ATP2C2: variants seen among roughly 807,000 people sequenced by gnomAD.
The protein encoded by ATP2C2 is ATPase secretory pathway Ca2+ transporting 2, also known as calcium-transporting ATPase type 2C member 2.
A neutral mutation model predicts 110.8 loss-of-function variants in ATP2C2; 171 were observed. The ratio of observed to expected loss-of-function variants is 1.54; its 90% CI spans 1.36 to 1.75. The LOEUF is 1.75. ATP2C2 is among the 40% of genes most tolerant of loss of function. The pLI is 0.00. For missense variants in ATP2C2, 1,963 were observed against 1,235.0 expected, an observed-to-expected ratio of 1.59 and a Z score of -8.84; for synonymous variants, 804 against 508.4, an observed-to-expected ratio of 1.58 and a Z score of -7.82.
In ATP2C2 at chr16:84,460,634, C is replaced by A; in HGVS notation, c.2334-20C>A. The A allele has an allele frequency of 6.2e-7, 1 of 1,614,134 alleles. No homozygotes were observed. Among genetic ancestry groups the A allele is most frequent in the South Asian group, 1.1e-5 (1 of 91,074 alleles). On this transcript the variant is annotated intron_variant, in intron 23 of 26. Coordinates refer to ENST00000262429, the MANE Select transcript of ATP2C2 (RefSeq NM_014861.4). Reference sequence around the variant, plus strand: ...TCATTCCTGGTTCATTTCAAAGTGTCTGTGTCTTGTTCGGAGCAGCTTGGG... The same window carrying A: ...TCATTCCTGGTTCATTTCAAAGTGTATGTGTCTTGTTCGGAGCAGCTTGGG...
In ATP2C2 at chr16:84,446,393, A is replaced by T. The variant is rs1220873300; in HGVS notation, c.1466A>T (p.Gln489Leu). The T allele has an allele frequency of 1.9e-6, 3 of 1,608,132 alleles. No homozygotes were observed. Among genetic ancestry groups the T allele is most frequent in the Non-Finnish European group, 2.5e-6 (3 of 1,177,862 alleles). ...RKKEIPFSSE[Q>L]KWMAVKCSLK... ...AAAGAGATTCCATTCAGTTCAGAGCAGAAGTGGATGGCGGTGAAATGCAGT... is the reference window on the plus strand; with the variant it reads ...AAAGAGATTCCATTCAGTTCAGAGCTGAAGTGGATGGCGGTGAAATGCAGT... The change falls in exon 16 of 27, where the codon CAG becomes CTG. Residue 489 changes from glutamine (Q) to leucine (L), a missense_variant. Coordinates refer to ENST00000262429, the MANE Select transcript of ATP2C2 (RefSeq NM_014861.4).
At chr16:84,419,370 C>G (rs1002853036) in intron 7 of ATP2C2, among the ~76,000 whole-genome samples, 1 of 152,166 alleles carries the variant, frequency 6.6e-6, no homozygotes, top group African/African-American at 2.4e-5. Context: ...TCTGTTACAT[C>G]TCCCTGACAT....
chr16:84,417,984 C>A (rs1253771601), intron 7 of ATP2C2, among the ~76,000 whole-genome samples: 2 of 152,168 alleles, frequency 1.3e-5, no homozygotes, highest in Non-Finnish European at 2.9e-5. Flanking sequence ...AAGTAATAGA[C>A]CTTTTTGCAC....
intron 2 of ATP2C2, among the ~76,000 whole-genome samples, chr16:84,401,614 A>G: frequency 6.6e-6 from 1 of 152,190 alleles, no homozygotes; most frequent in African/African-American, 2.4e-5. Context: ...TGTTCTTGAC[A>G]TCTTTGTCGA....
intron 11 of ATP2C2, among the ~76,000 whole-genome samples, chr16:84,438,747 A>AG (rs1475779644): frequency 6.6e-6 from 1 of 152,206 alleles, no homozygotes; most frequent in Non-Finnish European, 1.5e-5. Flanking sequence ...ACTCATGAAA[A>AG]GTGAAATTCA....
At chr16:84,383,997 C>T (rs1904291626) in intron 1 of ATP2C2, among the ~76,000 whole-genome samples, 1 of 152,056 alleles carries the variant, frequency 6.6e-6, no homozygotes, top group African/African-American at 2.4e-5. Flanking sequence ...CGCTGTTGTC[C>T]AGGCTGGTCT....
At chr16:84,394,893 A>G (rs1904878630) in intron 1 of ATP2C2, among the ~76,000 whole-genome samples, 1 of 152,122 alleles carries the variant, frequency 6.6e-6, no homozygotes, top group African/African-American at 2.4e-5. Context: ...CCCTCCAGAT[A>G]AAGTCACATT....
Position 84,448,682 on chromosome 16 carries a change from T to C in ATP2C2, c.1653T>C (p.Gly551=). 2 of 1,611,702 alleles carry C rather than the reference T, an allele frequency of 1.2e-6. No individual in the cohort carries two copies. The highest frequency in any genetic ancestry group is 1.7e-6 in the Non-Finnish European group (2 of 1,178,714). Residue 551 remains glycine (G), a synonymous_variant, in exon 17 of 27, where the codon GGT becomes GGC. Coordinates refer to ENST00000262429, the MANE Select transcript of ATP2C2 (RefSeq NM_014861.4). ...AAGAGAAGAGGATGGGGTCGCTCGGTTTGCGGGGTCAGTGCCTGTGGTCCC... is the reference window on the plus strand; with the variant it reads ...AAGAGAAGAGGATGGGGTCGCTCGGCTTGCGGGGTCAGTGCCTGTGGTCCC... ...LQEEKRMGSL[G]LRVLALASGP...
chr16:84,427,467 T>C (rs1907900008), intron 11 of ATP2C2, among the ~76,000 whole-genome samples: 1 of 152,118 alleles, frequency 6.6e-6, no homozygotes, highest in African/African-American at 2.4e-5. Context: ...CCTGTAATCC[T>C]AGCGCTTTGG....
chr16:84,426,384 G>C (rs1482744331), intron 11 of ATP2C2, among the ~76,000 whole-genome samples: 1 of 152,146 alleles, frequency 6.6e-6, no homozygotes. Context: ...TCCAACACTG[G>C]GGCTTATGTT....
At chr16:84,415,807 G>A (rs1906784284) in intron 7 of ATP2C2, among the ~76,000 whole-genome samples, 1 of 152,072 alleles carries the variant, frequency 6.6e-6, no homozygotes, top group Non-Finnish European at 1.5e-5. Flanking sequence ...CTCACTTTAA[G>A]CCTGACAACC....
chr16:84,392,121 G>A (rs1486983038), intron 1 of ATP2C2, among the ~76,000 whole-genome samples: 1 of 151,966 alleles, frequency 6.6e-6, no homozygotes, highest in South Asian at 2.1e-4. Context: ...AATGGAATGA[G>A]CCCACATGAC....
At chr16:84,404,681 C>T in intron 2 of ATP2C2, 1 of 333,364 alleles carries the variant, frequency 3.0e-6, no homozygotes, top group South Asian at 2.5e-5. Context: ...CTCTTGGAGC[C>T]CCACTAGCAG....
At chr16:84,412,706 CAA>C (rs1906484092) in intron 6 of ATP2C2, among the ~76,000 whole-genome samples, 1 of 152,032 alleles carries the variant, frequency 6.6e-6, no homozygotes, top group African/African-American at 2.4e-5. Context: ...CAAAAAAGGC[CAA>C]AGTCTTCTCC....
At chr16:84,385,704 T>C (rs1365031605) in intron 1 of ATP2C2, among the ~76,000 whole-genome samples, 2 of 152,162 alleles carry the variant, frequency 1.3e-5, no homozygotes, top group Admixed American at 6.5e-5. Context: ...AGGCACCTCT[T>C]CACAGAGCGG....
At position 84,405,179 on chromosome 16, in the gene ATP2C2, G is replaced by A. The variant is rs771046210; in HGVS notation, c.262G>A (p.Ala88Thr). 3.7e-6 allele frequency: 6 copies of A among 1,613,960 alleles called. No homozygotes were observed. The South Asian group carries it at 5.5e-5, about 15-fold the overall frequency. The change falls in exon 3 of 27, where the codon GCC becomes ACC. Residue 88 changes from alanine to threonine, a missense_variant. Physicochemically the swap from Ala to Thr is moderately conservative, Grantham distance 58. Coordinates refer to ENST00000262429, the MANE Select transcript of ATP2C2 (RefSeq NM_014861.4). ...GTTCTCGGTGACGCAGCGCCGGCTG[G>A]CCCATGGCTGGAATGAGTTTGTTGC... ...SEFSVTQRRL[A>T]HGWNEFVADN...
intron 14 of ATP2C2, among the ~76,000 whole-genome samples, chr16:84,442,282 G>C (rs74335141): frequency 0.061 from 9,358 of 152,220 alleles, 338 homozygotes; most frequent in Admixed American, 0.082. Flanking sequence ...CACCACCCGT[G>C]CACCTGCCTC....
chr16:84,401,939 A>G (rs1282385624), intron 2 of ATP2C2, among the ~76,000 whole-genome samples: 1 of 152,212 alleles, frequency 6.6e-6, no homozygotes, highest in Non-Finnish European at 1.5e-5. Flanking sequence ...CATTTTAACA[A>G]TATTGATTTT....
At chr16:84,384,076 A>C (rs1021748630) in intron 1 of ATP2C2, among the ~76,000 whole-genome samples, 14 of 152,174 alleles carry the variant, frequency 9.2e-5, no homozygotes, top group Admixed American at 4.6e-4. Context: ...GGTGTCAGCC[A>C]CTGTGCCCAG....
Sources: allele counts gnomAD v4.1 joint callset (sites outside exome capture counted in the v4.1 genomes callset), GRCh38; gene constraint gnomAD v4.1.1; transcripts MANE v1.5; gene names NCBI Gene and HGNC (gene_info 2026-07-23, HGNC 2026-07-21).